Variants in ABCB5 observed in about 807,000 individuals in gnomAD.
ABCB5 encodes ATP-binding cassette sub-family B member 5.
In ABCB5, 155 loss-of-function variants were observed where a neutral mutation model predicts 144.2. The ratio of observed to expected loss-of-function variants is 1.08; its 90% confidence interval spans 0.94 to 1.23. ABCB5 has a LOEUF of 1.23. ABCB5 is among the 50% of genes most tolerant of loss of function. The pLI, the probability that ABCB5 is intolerant of heterozygous loss-of-function variation, is 0.00. For missense variants in ABCB5, 1,830 were observed against 1,520.8 expected (o/e 1.20, Z -3.38); for synonymous variants, 610 against 528.6 (o/e 1.15, Z -2.11).
chr7:20,684,775 A>T (rs1260023772), intron 15 of ABCB5, among the ~76,000 whole-genome samples: 1 of 152,182 alleles, frequency 6.6e-6, no homozygotes, highest in Non-Finnish European at 1.5e-5. Context: ...GACTGATTAC[A>T]GTTGTTAGGC....
intron 14 of ABCB5, among the ~76,000 whole-genome samples, chr7:20,669,406 T>A (rs1785381107): frequency 7.0e-6 from 1 of 142,108 alleles, no homozygotes; most frequent in Admixed American, 7.0e-5. Flanking sequence ...TGCCTTGGGA[T>A]CCTGTTGATC....
At chr7:20,642,527 T>C (rs574485856) in intron 5 of ABCB5, among the ~76,000 whole-genome samples, 1 of 151,540 alleles carries the variant, frequency 6.6e-6, no homozygotes, top group Admixed American at 6.6e-5. Context: ...GAAAAACCTA[T>C]TTTTTTTTCT....
intron 24 of ABCB5, among the ~76,000 whole-genome samples, chr7:20,739,802 CAA>C (rs1782504331): frequency 6.6e-6 from 1 of 150,446 alleles, no homozygotes; most frequent in Non-Finnish European, 1.5e-5. Context: ...TATTTACAAA[CAA>C]AGGGGAAAAA....
intron 14 of ABCB5, 111 bp downstream of exon 14, chr7:20,658,787 G>A (rs1784898902): frequency 9.2e-6 from 12 of 1,297,714 alleles, no homozygotes; most frequent in Non-Finnish European, 1.3e-5. Flanking sequence ...CCCTCTTAAG[G>A]TATAAAGGCA....
intron 23 of ABCB5, among the ~76,000 whole-genome samples, chr7:20,734,467 C>T (rs1446729970): frequency 6.7e-6 from 1 of 150,086 alleles, no homozygotes; most frequent in East Asian, 1.9e-4. Flanking sequence ...TTCATTTTAT[C>T]AAACATTCCA....
chr7:20,738,927 T>C, intron 23 of ABCB5, 56 bp from the exon 24 acceptor site: 1 of 1,499,500 alleles, frequency 6.7e-7, no homozygotes, highest in Middle Eastern at 1.9e-4. Context: ...TTTAGAGTTC[T>C]ACTGTTTTAC....
chr7:20,648,164 A>G, intron 11 of ABCB5, 86 bp downstream of exon 11: 1 of 849,710 alleles, frequency 1.2e-6, no homozygotes, highest in Admixed American at 2.8e-5. Flanking sequence ...ATTACTTAGG[A>G]TCACTTTTTT....
intron 7 of ABCB5, among the ~76,000 whole-genome samples, chr7:20,644,196 C>A (rs1015786252): frequency 6.6e-6 from 1 of 152,022 alleles, no homozygotes; most frequent in African/African-American, 2.4e-5. Flanking sequence ...AGTCATCCTC[C>A]CATCTCAGAT....
At chr7:20,737,231 C>T (rs1438806079) in intron 23 of ABCB5, among the ~76,000 whole-genome samples, 1 of 152,142 alleles carries the variant, frequency 6.6e-6, no homozygotes. Context: ...AAAGTCCACA[C>T]TTCCCCTCCA....
At chr7:20,662,206 A>G (rs1381548840) in intron 14 of ABCB5, among the ~76,000 whole-genome samples, 1 of 151,486 alleles carries the variant, frequency 6.6e-6, no homozygotes, top group African/African-American at 2.4e-5. Flanking sequence ...GTAATTATGA[A>G]GGAAGAGTTA....
At chr7:20,731,553 T>A (rs1782222800) in intron 23 of ABCB5, among the ~76,000 whole-genome samples, 1 of 151,906 alleles carries the variant, frequency 6.6e-6, no homozygotes, top group African/African-American at 2.4e-5. Context: ...TATTTCCAAC[T>A]CTGACCCTGC....
chr7:20,681,229 C>T (rs1431163490), intron 14 of ABCB5, among the ~76,000 whole-genome samples: 6 of 151,640 alleles, frequency 4.0e-5, no homozygotes, highest in East Asian at 3.9e-4. Context: ...TAGGTTCAAG[C>T]GATTCTCCTG....
chr7:20,685,670 G>A (rs747018966), intron 15 of ABCB5, 26 bp from the exon 16 acceptor site: 3 of 1,561,008 alleles, frequency 1.9e-6, no homozygotes, highest in Admixed American at 2.0e-5. Flanking sequence ...TTCTTATAAT[G>A]ATAACCTATA....
chr7:20,737,337 G>C (rs530733790), intron 23 of ABCB5, among the ~76,000 whole-genome samples: 1 of 152,142 alleles, frequency 6.6e-6, no homozygotes, highest in East Asian at 1.9e-4. Flanking sequence ...GCTTTTGCTT[G>C]TACTCTCCCT....
intron 20 of ABCB5, among the ~76,000 whole-genome samples, chr7:20,715,204 C>T (rs1228150296): frequency 6.6e-6 from 1 of 151,992 alleles, no homozygotes; most frequent in African/African-American, 2.4e-5. Flanking sequence ...CCATCATGCC[C>T]AGTTAATTTT....
At chr7:20,626,019 A>C (rs899804759) in intron 2 of ABCB5, among the ~76,000 whole-genome samples, 3 of 152,218 alleles carry the variant, frequency 2.0e-5, no homozygotes, top group African/African-American at 7.2e-5. Flanking sequence ...TAAGTGAATA[A>C]TTCAAGGATG....
intron 13 of ABCB5, among the ~76,000 whole-genome samples, chr7:20,654,097 C>A (rs1784690421): frequency 6.6e-6 from 1 of 152,120 alleles, no homozygotes; most frequent in African/African-American, 2.4e-5. Flanking sequence ...CAAATTCACC[C>A]CAAGGAAACC....
Position 20,650,152 on chromosome 7 carries a change from G to C in ABCB5, c.1332+5G>C, listed in dbSNP as rs374492539. 3.1e-6 allele frequency: 5 copies of C among 1,613,132 alleles called. No individual in the cohort carries two copies. Among genetic ancestry groups the C allele is most frequent in the Non-Finnish European group, 4.2e-6 (5 of 1,179,418 alleles). Reference sequence around the variant, plus strand: ...TATGATCCGGATGATGGCTTTGTAAGTGCAGCTAGCAAAACCATGCACAGT... The same window carrying C: ...TATGATCCGGATGATGGCTTTGTAACTGCAGCTAGCAAAACCATGCACAGT... On this transcript the variant is annotated splice_donor_5th_base_variant and intron_variant, in intron 12 of 27. Coordinates refer to ENST00000404938, the MANE Select transcript of ABCB5 (RefSeq NM_001163941.2).
chr7:20,720,836 C>A (rs62453382), intron 20 of ABCB5, among the ~76,000 whole-genome samples: 50 of 145,664 alleles, frequency 3.4e-4, no homozygotes, highest in African/African-American at 1.2e-3. Context: ...CCCAGCTACA[C>A]GGGAGGCTGA....
Sources: allele counts gnomAD v4.1 joint callset (sites outside exome capture counted in the v4.1 genomes callset), GRCh38; gene constraint gnomAD v4.1.1; transcripts MANE v1.5; gene names NCBI Gene and HGNC (gene_info 2026-07-23, HGNC 2026-07-21).